CTNNA3: variants seen among roughly 807,000 people sequenced by gnomAD.
CTNNA3 encodes the protein catenin alpha 3, also known as catenin alpha-3.
A neutral mutation model predicts 95.7 loss-of-function variants in CTNNA3; 76 were observed. The observed-to-expected ratio is 0.79, with a 90% CI of 0.66 to 0.96. The LOEUF is 0.96. CTNNA3 is among the 40% of genes least tolerant of loss of function. The probability of loss-of-function intolerance (pLI) is 0.00; values close to 1 mark genes in which losing one functional copy is unlikely to be tolerated. For synonymous variants in CTNNA3, 431 were observed against 374.4 expected (o/e 1.15, Z -1.74); for missense variants, 1,191 against 1,089.8 (o/e 1.09, Z -1.31).
chr10:66,119,617 T>C (rs1181949457), intron 13 of CTNNA3, among the ~76,000 whole-genome samples: 5 of 152,162 alleles, frequency 3.3e-5, no homozygotes, highest in Admixed American at 3.3e-4. Flanking sequence ...ATTATTTGTA[T>C]AATGAAAAAA....
chr10:66,545,579 T>C (rs890945061), intron 10 of CTNNA3, among the ~76,000 whole-genome samples: 1 of 152,052 alleles, frequency 6.6e-6, no homozygotes, highest in African/African-American at 2.4e-5. Context: ...TCACAGAGTG[T>C]ATTAACTTTT....
chr10:66,207,907 T>A (rs1026410541), intron 13 of CTNNA3, among the ~76,000 whole-genome samples: 26 of 152,038 alleles, frequency 1.7e-4, no homozygotes, highest in African/African-American at 6.0e-4. Context: ...AATATTGTGC[T>A]GTAGTCATTC....
chr10:66,900,828 A>G (rs998906328), intron 7 of CTNNA3, among the ~76,000 whole-genome samples: 2 of 152,210 alleles, frequency 1.3e-5, no homozygotes, highest in Non-Finnish European at 2.9e-5. Context: ...AGATTAGAGA[A>G]AAAAGAGTAA....
At chr10:66,075,743 A>G (rs1172961102) in intron 14 of CTNNA3, among the ~76,000 whole-genome samples, 1 of 151,760 alleles carries the variant, frequency 6.6e-6, no homozygotes, top group Admixed American at 6.6e-5. Context: ...ATTGTCCCAG[A>G]AAGGGGAAAT....
At chr10:67,708,859 ACT>A (rs952418283) in intron 1 of CTNNA3, among the ~76,000 whole-genome samples, 6 of 152,050 alleles carry the variant, frequency 3.9e-5, no homozygotes, top group Non-Finnish European at 8.8e-5. Context: ...CAGAACTTAT[ACT>A]CTCTTTATAA....
intron 10 of CTNNA3, among the ~76,000 whole-genome samples, chr10:66,526,384 G>T (rs571066209): frequency 2.0e-5 from 3 of 151,946 alleles, no homozygotes; most frequent in Non-Finnish European, 4.4e-5. Context: ...ACAAGGTTTC[G>T]TCATGTTGCC....
chr10:66,753,064 C>A (rs745961795), intron 9 of CTNNA3, among the ~76,000 whole-genome samples: 7 of 152,128 alleles, frequency 4.6e-5, no homozygotes, highest in Non-Finnish European at 8.8e-5. Flanking sequence ...GCTATGAGGC[C>A]CATAGCTACC....
chr10:66,168,816 G>T (rs549986928), intron 13 of CTNNA3, among the ~76,000 whole-genome samples: 1 of 152,078 alleles, frequency 6.6e-6, no homozygotes, highest in Non-Finnish European at 1.5e-5. Context: ...GCAATTGGCA[G>T]CTAAAAGTCA....
At chr10:67,628,025 G>A (rs1839014906) in intron 2 of CTNNA3, among the ~76,000 whole-genome samples, 1 of 146,046 alleles carries the variant, frequency 6.8e-6, no homozygotes, top group African/African-American at 2.7e-5. Context: ...AAACTAAATG[G>A]GTATAGAAAG....
At chr10:66,527,448 C>T (rs1841308615) in intron 10 of CTNNA3, among the ~76,000 whole-genome samples, 1 of 152,008 alleles carries the variant, frequency 6.6e-6, no homozygotes, top group African/African-American at 2.4e-5. Flanking sequence ...GTGCAAAATA[C>T]ATTGTTGGTA....
intron 17 of CTNNA3, among the ~76,000 whole-genome samples, chr10:65,953,373 C>CTT (rs547832607): frequency 0.032 from 4,764 of 147,200 alleles, 231 homozygotes; most frequent in African/African-American, 0.11. Context: ...ATACTCACCT[C>CTT]TTTTTTTTTT....
intron 17 of CTNNA3, among the ~76,000 whole-genome samples, chr10:65,941,579 C>T (rs998931786): frequency 6.6e-6 from 1 of 152,162 alleles, no homozygotes; most frequent in African/African-American, 2.4e-5. Flanking sequence ...TCTCAAAGAC[C>T]TGTACTAGGG....
intron 15 of CTNNA3, among the ~76,000 whole-genome samples, chr10:66,015,359 T>C (rs983075713): frequency 1.3e-5 from 2 of 152,134 alleles, no homozygotes; most frequent in African/African-American, 4.8e-5. Flanking sequence ...ATTCAGAATA[T>C]TGTCCACATG....
At chr10:66,975,860 C>A (rs755303904) in intron 7 of CTNNA3, among the ~76,000 whole-genome samples, 17 of 152,144 alleles carry the variant, frequency 1.1e-4, no homozygotes, top group Middle Eastern at 6.8e-3. Flanking sequence ...TCTATCTGAC[C>A]AAAAATCTTG....
chr10:67,142,619 AT>A (rs1441139547), intron 7 of CTNNA3, among the ~76,000 whole-genome samples: 2 of 152,206 alleles, frequency 1.3e-5, no homozygotes, highest in Admixed American at 6.5e-5. Flanking sequence ...GCTAAAAAAA[AT>A]GTACGTACCT....
chr10:67,571,326 C>T (rs1409296024), intron 3 of CTNNA3, among the ~76,000 whole-genome samples: 1 of 152,054 alleles, frequency 6.6e-6, no homozygotes, highest in East Asian at 1.9e-4. Context: ...ATCTCCATTT[C>T]CCTTTATTTT....
chr10:67,307,658 T>C (rs1435986540), intron 5 of CTNNA3, among the ~76,000 whole-genome samples: 1 of 152,236 alleles, frequency 6.6e-6, no homozygotes, highest in East Asian at 1.9e-4. Flanking sequence ...GTATTCTAGA[T>C]ATGTCAGTAT....
At chr10:67,713,813 A>G (rs1841126677) in intron 1 of CTNNA3, among the ~76,000 whole-genome samples, 1 of 152,206 alleles carries the variant, frequency 6.6e-6, no homozygotes, top group South Asian at 2.1e-4. Context: ...GATGGAGAGC[A>G]TTAAGACAAA....
rs35513829 is a variant in CTNNA3 at position 66,421,897 on chromosome 10, G to GATATATATATATATATATATATATATAT, written c.1532-42546_1532-42545insATATATATATATATATATATATATATAT. Among the ~76,000 whole-genome samples the GATATATATATATATATATATATATATAT allele has an allele frequency of 3.3e-3, 355 of 107,884 alleles. 4 individuals carry two copies. The highest frequency in any genetic ancestry group is 7.8e-3 in the African/African-American group (223 of 28,560). The allele number at this position is 107,884 out of a possible 152,430, so 70.8% of individuals were successfully genotyped here. ...TTTCTAAGAGCTTCATAATAAATGTGATATATATATATATATATACACACA... is the reference window on the plus strand; with the variant it reads ...TTTCTAAGAGCTTCATAATAAATGTGATATATATATATATATATATATATATATATATATATATATATATATACACACA... On this transcript the variant is annotated intron_variant, in intron 11 of 17. Transcript: ENST00000433211.
Sources: allele counts gnomAD v4.1 joint callset (sites outside exome capture counted in the v4.1 genomes callset), GRCh38; gene constraint gnomAD v4.1.1; transcripts MANE v1.5; gene names NCBI Gene and HGNC (gene_info 2026-07-23, HGNC 2026-07-21).